The following ADAMDEC1 variants were observed in gnomAD, a reference collection of about 807,000 sequenced individuals.
The protein encoded by ADAMDEC1 is ADAM DEC1.
Under a neutral mutation model 60.4 loss-of-function variants are expected in ADAMDEC1, and 62 were observed. The observed-to-expected ratio is 1.03, with a 90% CI of 0.84 to 1.27. The LOEUF is 1.27. Ranked by LOEUF, ADAMDEC1 falls within the 50% of genes most tolerant of loss-of-function variation. ADAMDEC1 has a pLI of 0.00. For missense variants in ADAMDEC1, 595 were observed against 565.0 expected (o/e 1.05, Z -0.54); for synonymous variants, 210 against 195.1 (o/e 1.08, Z -0.64).
At chr8:24,390,221 A>C in intron 1 of ADAMDEC1, 1 of 1,129,760 alleles carries the variant, frequency 8.9e-7, no homozygotes, top group Non-Finnish European at 1.2e-6. Flanking sequence ...CAGAGAAGGT[A>C]AGTTGCTTAC....
At chr8:24,389,651 T>G (rs1363259934) in intron 1 of ADAMDEC1, among the ~76,000 whole-genome samples, 3 of 152,196 alleles carry the variant, frequency 2.0e-5, no homozygotes, top group Non-Finnish European at 4.4e-5. Context: ...CTATCAGGTC[T>G]TGCACAATCT....
In ADAMDEC1 at chr8:24,405,502, C is replaced by CTT; in HGVS notation, c.*213_*214dup. 5 of 455,138 alleles carry CTT rather than the reference C, an allele frequency of 1.1e-5. No individual in the cohort carries two copies. Among genetic ancestry groups the CTT allele is most frequent in the Non-Finnish European group, 7.7e-6 (2 of 260,780 alleles). The allele number at this position is 455,138 out of a possible 1,614,324, so 28.2% of individuals were successfully genotyped here. ...TGTTTAGGCCTAATCTTTCTTTTTACTTTTTTTTTTCTTTTTTCTTTTTTT... is the reference window on the plus strand; with the variant it reads ...TGTTTAGGCCTAATCTTTCTTTTTACTTTTTTTTTTTTCTTTTTTCTTTTTTT... On this transcript the variant is annotated 3_prime_UTR_variant, in exon 14 of 14. Transcript: ENST00000256412.
chr8:24,387,651 A>G (rs1817328417), intron 1 of ADAMDEC1: 1 of 152,152 alleles, frequency 6.6e-6, no homozygotes, highest in Non-Finnish European at 1.5e-5. Context: ...ATACTTTTAT[A>G]TACTGTTGCT....
chr8:24,397,336 A>G lies in ADAMDEC1; in HGVS notation c.507A>G (p.Glu169=), dbSNP rs1195685586. ...CTCTGAAAAGCACAGACGAGAAAGA[A>G]CATGCCGTCTTTACATCTAACCAGG... The part of the protein sequence containing the change: ...IKPLKSTDEK[E]HAVFTSNQEE... The change falls in exon 6 of 14, where the codon GAA becomes GAG. Residue 169 remains glutamate, a synonymous_variant. Transcript: ENST00000256412. 1 of 1,613,974 alleles carries G rather than the reference A, an allele frequency of 6.2e-7. No homozygotes were observed. The highest frequency in any genetic ancestry group is 1.3e-5 in the African/African-American group (1 of 74,942).
chr8:24,392,184 G>T, intron 1 of ADAMDEC1, 78 bp from the exon 2 acceptor site: 3 of 1,079,326 alleles, frequency 2.8e-6, no homozygotes, highest in Non-Finnish European at 4.1e-6. Flanking sequence ...AGCAACCCAA[G>T]AAATGAAAAC....
At chr8:24,398,651 T>C in intron 8 of ADAMDEC1, 100 bp downstream of exon 8, 1 of 1,033,360 alleles carries the variant, frequency 9.7e-7, no homozygotes. Flanking sequence ...AGATCCCAAA[T>C]GTCTTAAGTT....
In ADAMDEC1 at chr8:24,395,080, T is replaced by TG. The variant is rs1817572478; in HGVS notation, c.364-637dup. Among the ~76,000 whole-genome samples the TG allele has an allele frequency of 2.0e-5, 3 of 152,352 alleles. No individual in the cohort carries two copies. In the South Asian group the frequency reaches 6.2e-4, roughly 32 times the overall value. On this transcript the variant is annotated intron_variant, in intron 4 of 13. Coordinates refer to ENST00000256412, the MANE Select transcript of ADAMDEC1 (RefSeq NM_014479.3). ...AAGTGGCCCCTTAACTTTGCTGATG[T>TG]GGGCCAACAATCATGTCTGAATCTC...
Position 24,402,000 on chromosome 8 carries a change from C to CA in ADAMDEC1, c.1230dup (p.Ala411SerfsTer25), listed in dbSNP as rs1190687114. 1 of 1,613,268 alleles carries CA rather than the reference C, an allele frequency of 6.2e-7. No individual in the cohort carries two copies. Among genetic ancestry groups the CA allele is most frequent in the Non-Finnish European group, 8.5e-7 (1 of 1,179,406 alleles). ...ATCTCAGAAACCAAAGTGCCTGCTG[C>CA]AAGCACCTATTCCTACAAATATAAT... On this transcript the variant is annotated frameshift_variant, in exon 12 of 14. Transcript: ENST00000256412. LOFTEE classifies it high-confidence loss of function.
chr8:24,402,567 A>G (rs558205652), intron 12 of ADAMDEC1, among the ~76,000 whole-genome samples: 2 of 152,294 alleles, frequency 1.3e-5, no homozygotes, highest in Admixed American at 1.3e-4. Flanking sequence ...TTAACATAGA[A>G]CATCCAGAAT....
chr8:24,402,242 A>T (rs1817784087), intron 12 of ADAMDEC1, 150 bp downstream of exon 12: 2 of 684,050 alleles, frequency 2.9e-6, no homozygotes, highest in Admixed American at 7.0e-5. Flanking sequence ...GAATTTAGTA[A>T]TCCTTTGAAA....
At position 24,387,931 on chromosome 8, in the gene ADAMDEC1, G is replaced by A. The variant is rs1444609925; in HGVS notation, c.88+3339G>A. ...TGACTGCCTGGCTCTGGTGTCCAAA[G>A]AGCAGCCCGGAGAAGCTGGAGCTGC... On this transcript the variant is annotated intron_variant, in intron 1 of 13. Coordinates refer to ENST00000256412, the MANE Select transcript of ADAMDEC1 (RefSeq NM_014479.3). The A allele has an allele frequency of 2.6e-5, 4 of 152,842 alleles. No individual in the cohort carries two copies. In the East Asian group the frequency reaches 7.7e-4, roughly 29 times the overall value. The allele number at this position is 152,842 out of a possible 1,614,324, so 9.5% of individuals were successfully genotyped here.
At chr8:24,399,371 G>C (rs1327871614) in intron 9 of ADAMDEC1, 22 bp from the exon 10 acceptor site, 1 of 1,605,052 alleles carries the variant, frequency 6.2e-7, no homozygotes, top group African/African-American at 1.3e-5. Context: ...TGTGACAGTA[G>C]TATCTGTAAC....
Position 24,400,259 on chromosome 8 carries a change from CA to C in ADAMDEC1, c.1103del (p.Lys368SerfsTer8). On this transcript the variant is annotated frameshift_variant, in exon 11 of 14. Coordinates refer to ENST00000256412, the MANE Select transcript of ADAMDEC1 (RefSeq NM_014479.3). LOFTEE classifies it high-confidence loss of function. ...LGMPDVPFNT[K>X]CPSGSCVMNQ... The stretch of plus-strand genomic sequence containing the variant: ...GTATGCCTGATGTTCCATTCAACAC[CA>C]AGTGTCCCTCTGGCAGTTGTGTGAT... 1 of 1,611,760 alleles carries C rather than the reference CA, an allele frequency of 6.2e-7. No homozygotes were observed. The highest frequency in any genetic ancestry group is 8.5e-7 in the Non-Finnish European group (1 of 1,178,784).
chr8:24,395,823 A>G (rs1463117193), intron 5 of ADAMDEC1, 27 bp downstream of exon 5: 3 of 1,559,768 alleles, frequency 1.9e-6, no homozygotes, highest in South Asian at 2.3e-5. Flanking sequence ...AAATTACTCA[A>G]GATCAAGAAG....
intron 1 of ADAMDEC1, among the ~76,000 whole-genome samples, chr8:24,389,809 C>T (rs1479968970): frequency 6.6e-6 from 1 of 152,162 alleles, no homozygotes; most frequent in Admixed American, 6.6e-5. Flanking sequence ...CTATCCGGAA[C>T]TCTTTGTTCC....
intron 12 of ADAMDEC1, 61 bp from the exon 13 acceptor site, chr8:24,403,942 A>T: frequency 7.2e-7 from 1 of 1,379,548 alleles, no homozygotes; most frequent in Non-Finnish European, 1.0e-6. Context: ...GAATTCTATC[A>T]CCTAGTCTAT....
rs528177771 is a variant in ADAMDEC1 at position 24,388,536 on chromosome 8, G to A, written c.89-3726G>A. Among the ~76,000 whole-genome samples the A allele has an allele frequency of 3.3e-5, 5 of 152,042 alleles. No homozygotes were observed. In the East Asian group the frequency reaches 9.7e-4, roughly 29 times the overall value. On this transcript the variant is annotated intron_variant, in intron 1 of 13. Coordinates refer to ENST00000256412, the MANE Select transcript of ADAMDEC1 (RefSeq NM_014479.3). ...TGGCATGAAACACACCATTTCATTT[G>A]GTGAACTCCTACCTCACACTGGCCT...
intron 7 of ADAMDEC1, 21 bp from the exon 8 acceptor site, chr8:24,398,459 T>G (rs765393118): frequency 1.2e-5 from 17 of 1,443,512 alleles, no homozygotes; most frequent in Non-Finnish European, 1.6e-5. Flanking sequence ...TTCACTATAC[T>G]TTGTGTTTTG....
At chr8:24,395,034 C>A (rs1338068647) in intron 4 of ADAMDEC1, among the ~76,000 whole-genome samples, 1 of 152,128 alleles carries the variant, frequency 6.6e-6, no homozygotes, top group East Asian at 1.9e-4. Flanking sequence ...TTTTCACTAC[C>A]TTTTTTAGAT....
Sources: gnomAD v4.1 joint callset for allele counts (sites outside exome capture counted in the v4.1 genomes callset) on GRCh38, gnomAD v4.1.1 for gene constraint, MANE v1.5 for transcripts, NCBI Gene and HGNC (gene_info 2026-07-23, HGNC 2026-07-21) for gene names.